Variants in TRIM37 observed in about 807,000 individuals in gnomAD.
The protein encoded by TRIM37 is tripartite motif containing 37.
TRIM37 carries 80 observed loss-of-function variants against 129.8 expected under a neutral mutation model. That is an observed-to-expected ratio of 0.62 (90% CI 0.51 to 0.74). The LOEUF is 0.74. Ranked by LOEUF, TRIM37 falls within the 30% of genes least tolerant of loss-of-function variation. The pLI, the probability that TRIM37 is intolerant of heterozygous loss-of-function variation, is 0.00. For missense variants in TRIM37, 1,054 were observed against 1,176.5 expected (o/e 0.90, Z 1.52); for synonymous variants, 389 against 387.1 (o/e 1.00, Z -0.06).
chr17:59,002,793 A>G (rs2033944981), intron 22 of TRIM37, among the ~76,000 whole-genome samples: 1 of 152,170 alleles, frequency 6.6e-6, no homozygotes, highest in Non-Finnish European at 1.5e-5. Flanking sequence ...TCCTGTGAGG[A>G]TTTTTAAACA....
At chr17:59,071,630 G>A (rs6416932) in intron 8 of TRIM37, among the ~76,000 whole-genome samples, 98,125 of 151,618 alleles carry the variant, frequency 0.65, 32,209 homozygotes, top group African/African-American at 0.75. Flanking sequence ...TATTCTAGGT[G>A]ACAGAATACA....
intron 3 of TRIM37, among the ~76,000 whole-genome samples, 177 bp from the exon 4 acceptor site, chr17:59,088,584 A>G (rs1751424258): frequency 6.6e-6 from 1 of 151,840 alleles, no homozygotes; most frequent in Non-Finnish European, 1.5e-5. Flanking sequence ...ATGCATGATC[A>G]TGGTTCACTG....
At chr17:59,087,857 C>G (rs1225490869) in intron 4 of TRIM37, 1 of 188,234 alleles carries the variant, frequency 5.3e-6, no homozygotes, top group Admixed American at 5.5e-5. Flanking sequence ...TCACTCTTTC[C>G]TTTCTTTACC....
chr17:59,015,107 T>TA (rs34792130), intron 21 of TRIM37, among the ~76,000 whole-genome samples: 16 of 142,632 alleles, frequency 1.1e-4, no homozygotes, highest in Admixed American at 1.4e-4. Context: ...CTCATCCCAT[T>TA]AAAAAAAAAA....
chr17:58,990,937 G>A (rs1054155946), intron 24 of TRIM37, among the ~76,000 whole-genome samples: 10 of 151,854 alleles, frequency 6.6e-5, no homozygotes, highest in African/African-American at 2.4e-4. Flanking sequence ...CACTTTGGGA[G>A]GCTGAGGTGG....
chr17:59,057,224 T>A (rs576916984), intron 12 of TRIM37, among the ~76,000 whole-genome samples, 170 bp from the exon 13 acceptor site: 2 of 152,352 alleles, frequency 1.3e-5, no homozygotes, highest in Admixed American at 6.5e-5. Context: ...GGGGTTTTTT[T>A]ATTTATTTAA....
intron 19 of TRIM37, among the ~76,000 whole-genome samples, chr17:59,027,019 T>C (rs2037324158): frequency 6.6e-6 from 1 of 152,190 alleles, no homozygotes; most frequent in Non-Finnish European, 1.5e-5. Context: ...AAATTTTGCT[T>C]CTCCATTGAA....
chr17:59,064,923 C>A (rs1010762490), intron 9 of TRIM37, among the ~76,000 whole-genome samples: 2 of 151,926 alleles, frequency 1.3e-5, no homozygotes, highest in Non-Finnish European at 2.9e-5. Flanking sequence ...TGGTGGTGTG[C>A]GCCTGCAATC....
intron 24 of TRIM37, chr17:58,983,789 A>G (rs1276080491): frequency 6.6e-6 from 1 of 152,658 alleles, no homozygotes; most frequent in Non-Finnish European, 1.5e-5. Context: ...GTCTGCATCA[A>G]TCTGTTTGCC....
chr17:59,019,955 G>A (rs1021105984), intron 19 of TRIM37, among the ~76,000 whole-genome samples: 1 of 152,106 alleles, frequency 6.6e-6, no homozygotes, highest in Non-Finnish European at 1.5e-5. Flanking sequence ...AACAGTCTGG[G>A]TGCGGTGGCT....
chr17:59,010,447 C>T (rs755002773), intron 22 of TRIM37, among the ~76,000 whole-genome samples: 3 of 152,148 alleles, frequency 2.0e-5, no homozygotes, highest in Non-Finnish European at 4.4e-5. Flanking sequence ...AATGCAACAT[C>T]CGGTAAATTA....
chr17:59,009,443 C>CTTTTTTT (rs61545184), intron 22 of TRIM37, among the ~76,000 whole-genome samples: 3 of 107,620 alleles, frequency 2.8e-5, no homozygotes, highest in African/African-American at 9.7e-5. Flanking sequence ...AATTTCTTTT[C>CTTTTTTT]TTTTTTTTTT....
At chr17:59,093,283 T>C (rs1388402043) in intron 2 of TRIM37, among the ~76,000 whole-genome samples, 3 of 152,216 alleles carry the variant, frequency 2.0e-5, no homozygotes, top group Non-Finnish European at 2.9e-5. Flanking sequence ...CCTGAAACAA[T>C]GGCATGACCA....
chr17:58,999,229 T>G lies in TRIM37; in HGVS notation c.*148A>C. The G allele has an allele frequency of 1.3e-6, 2 of 1,556,886 alleles. No individual in the cohort carries two copies. The highest frequency in any genetic ancestry group is 1.7e-6 in the Non-Finnish European group (2 of 1,153,338). The stretch of plus-strand genomic sequence containing the variant: ...TGTCTTAGACTAAACTGTGCCACCT[T>G]CCAACAGTTTCCAAATTACTATTTC... On this transcript the variant is annotated 3_prime_UTR_variant, in exon 24 of 24. Transcript: ENST00000262294.
downstream of TRIM37, among the ~76,000 whole-genome samples, chr17:58,997,524 A>C (rs2033128359): frequency 6.6e-6 from 1 of 152,118 alleles, no homozygotes; most frequent in Non-Finnish European, 1.5e-5. Flanking sequence ...CTCAAAGGTT[A>C]CTTAAAGATC....
chr17:58,976,207 G>A, the TRIM37 span, among the ~76,000 whole-genome samples: 1 of 152,152 alleles, frequency 6.6e-6, no homozygotes. Context: ...GAGCAGCACA[G>A]GCTCACTGTT....
At chr17:59,055,769 A>T (rs1262901540) in intron 13 of TRIM37, among the ~76,000 whole-genome samples, 1 of 151,640 alleles carries the variant, frequency 6.6e-6, no homozygotes, top group Non-Finnish European at 1.5e-5. Flanking sequence ...ACTGGGGCCT[A>T]CTTGAGGGTG....
chr17:58,973,286 G>A, the TRIM37 span, among the ~76,000 whole-genome samples: 17 of 151,862 alleles, frequency 1.1e-4, no homozygotes, highest in Non-Finnish European at 2.1e-4. Context: ...GCGTGGTGGC[G>A]GGCGCCTGTA....
chr17:59,095,107 C>T (rs2044730645), intron 2 of TRIM37, among the ~76,000 whole-genome samples: 1 of 151,886 alleles, frequency 6.6e-6, no homozygotes, highest in South Asian at 2.1e-4. Flanking sequence ...CCCAGCTACT[C>T]CTCAGGAGGC....
Sources: gnomAD v4.1 joint callset for allele counts (sites outside exome capture counted in the v4.1 genomes callset) on GRCh38, gnomAD v4.1.1 for gene constraint, MANE v1.5 for transcripts, NCBI Gene and HGNC (gene_info 2026-07-23, HGNC 2026-07-21) for gene names.